Variants in LPP observed in about 807,000 individuals in gnomAD.
LPP encodes lipoma-preferred partner.
In LPP, 38 loss-of-function variants were observed where a neutral mutation model predicts 60.4. The observed-to-expected ratio is 0.63, with a 90% confidence interval of 0.49 to 0.83. The LOEUF (loss-of-function observed/expected upper bound fraction) is 0.83, where lower values mean the gene tolerates loss of function less well. Among genes scored for constraint, LPP ranks in the 40% least tolerant of loss-of-function variants. The pLI, the probability that LPP is intolerant of heterozygous loss-of-function variation, is 0.00. For missense variants in LPP, 902 were observed against 783.6 expected, an observed-to-expected ratio of 1.15 and a Z score of -1.80; for synonymous variants, 328 against 290.8, an observed-to-expected ratio of 1.13 and a Z score of -1.30.
Position 188,889,629 on chromosome 3 carries a change from A to C in LPP, c.*15150A>C. On this transcript the variant is annotated 3_prime_UTR_variant, in exon 12 of 12. Transcript: ENST00000617246. ...TACCAAATGGAAGTAAAAGGGGACA[A>C]ACTATGGAAGATGGACTCCATGCCA... is the stretch of plus-strand genomic sequence containing the variant. 4.4e-6 allele frequency: 1 copy of C among 226,338 alleles called. No individual in the cohort carries two copies. The allele number at this position is 226,338 out of a possible 1,614,324, so 14.0% of individuals were successfully genotyped here.
chr3:188,331,844 CT>C (rs1013082878), intron 2 of LPP, among the ~76,000 whole-genome samples: 2 of 152,148 alleles, frequency 1.3e-5, no homozygotes, highest in African/African-American at 2.4e-5. Context: ...GATTAGGTTA[CT>C]TAATCTTTCT....
chr3:188,217,834 G>A lies in LPP; in HGVS notation c.-189-7571G>A, dbSNP rs1428945055. Among the ~76,000 whole-genome samples the A allele has an allele frequency of 3.3e-5, 5 of 152,204 alleles. No individual in the cohort carries two copies. The East Asian group carries it at 9.6e-4, about 29-fold the overall frequency. ...GTTTCTAACCTTGAGCTTTGGGCCA[G>A]TGCACAGAGGATGGTGGCTTCCTGC... On this transcript the variant is annotated intron_variant, in intron 1 of 11. Transcript: ENST00000617246. The surrounding 1 kb of genome is among the most constrained non-coding windows in gnomAD (Gnocchi z 4.0).
At chr3:188,334,305 G>T (rs751909093) in intron 2 of LPP, among the ~76,000 whole-genome samples, 5 of 147,558 alleles carry the variant, frequency 3.4e-5, no homozygotes, top group Non-Finnish European at 7.4e-5. Flanking sequence ...TATCTTGGCT[G>T]TTATAATTAG....
At position 188,182,284 on chromosome 3, in the gene LPP, T is replaced by C. The variant is rs1725238550; in HGVS notation, c.-190+28032T>C. Among the ~76,000 whole-genome samples, 2 of 151,214 alleles carry C rather than the reference T, an allele frequency of 1.3e-5. No homozygotes were observed. The highest frequency in any genetic ancestry group is 1.9e-4 in the East Asian group (1 of 5,136). On this transcript the variant is annotated intron_variant, in intron 1 of 11. Coordinates refer to ENST00000617246, the MANE Select transcript of LPP (RefSeq NM_001375462.1). The surrounding 1 kb of genome is among the most constrained non-coding windows in gnomAD (Gnocchi z 4.4). ...CTTAGCACTTGTTACCAGTGGAGAC[T>C]CTCGGTCTCACCCCAGAATCTATGT...
intron 3 of LPP, among the ~76,000 whole-genome samples, chr3:188,353,368 T>C (rs1042667180): frequency 1.2e-4 from 19 of 152,188 alleles, no homozygotes; most frequent in African/African-American, 4.3e-4. Flanking sequence ...CTGGTGAAAA[T>C]TGGCAAATGA....
intron 5 of LPP, among the ~76,000 whole-genome samples, chr3:188,512,582 A>AAT (rs997364420): frequency 2.0e-5 from 3 of 151,338 alleles, no homozygotes; most frequent in African/African-American, 7.3e-5. Context: ...TAAATAAATA[A>AAT]ATAAATAAAT....
intron 2 of LPP, among the ~76,000 whole-genome samples, chr3:188,238,320 A>G (rs776334278): frequency 1.5e-4 from 23 of 151,322 alleles, no homozygotes; most frequent in Non-Finnish European, 2.2e-4. Context: ...AGGTTGTTTC[A>G]CTTTCTTATC....
intron 7 of LPP, among the ~76,000 whole-genome samples, chr3:188,664,188 T>C (rs953175825): frequency 2.0e-5 from 3 of 152,262 alleles, no homozygotes; most frequent in African/African-American, 7.2e-5. Flanking sequence ...GTCCTCTTTC[T>C]GAAATCCTAT....
chr3:188,560,918 A>G (rs920752271), intron 6 of LPP, among the ~76,000 whole-genome samples: 5 of 152,084 alleles, frequency 3.3e-5, no homozygotes, highest in Admixed American at 1.3e-4. Flanking sequence ...CATTTTAGAG[A>G]TGAGGAAACA....
chr3:188,839,530 C>T (rs550855582), intron 9 of LPP, among the ~76,000 whole-genome samples: 106 of 152,190 alleles, frequency 7.0e-4, no homozygotes, highest in African/African-American at 2.2e-3. Context: ...GGTGATAAGG[C>T]GCAGGGACGG....
At chr3:188,253,151 G>A (rs61401223) in intron 2 of LPP, among the ~76,000 whole-genome samples, 4,187 of 150,530 alleles carry the variant, frequency 0.028, 201 homozygotes, top group African/African-American at 0.097. Context: ...AGATATATTG[G>A]CCTTTCATCT....
intron 9 of LPP, among the ~76,000 whole-genome samples, chr3:188,775,183 G>T (rs1230922161): frequency 1.3e-5 from 2 of 151,724 alleles, no homozygotes; most frequent in African/African-American, 2.4e-5. Context: ...CTTCTCAGTA[G>T]CTGGGACTGC....
chr3:188,216,082 C>G lies in LPP; in HGVS notation c.-189-9323C>G, dbSNP rs543402516. 8.2e-4 allele frequency among the ~76,000 whole-genome samples: 125 copies of G among 152,118 alleles called. 1 individual carries two copies. Among genetic ancestry groups the G allele is most frequent in the Non-Finnish European group, 5.3e-4 (36 of 67,994 alleles). ...TTGCTTTATTTTCTCCTCTCCTTAC[C>G]CACTTTCTCACTTAAATCATGAACT... is the stretch of plus-strand genomic sequence containing the variant. On this transcript the variant is annotated intron_variant, in intron 1 of 11. Transcript: ENST00000617246.
At chr3:188,237,204 T>C (rs1383834182) in intron 2 of LPP, among the ~76,000 whole-genome samples, 3 of 152,208 alleles carry the variant, frequency 2.0e-5, no homozygotes, top group African/African-American at 7.2e-5. Flanking sequence ...AACAAAGGAT[T>C]ACAGCAACAC....
Position 188,202,737 on chromosome 3 carries a change from T to C in LPP, c.-189-22668T>C, listed in dbSNP as rs192596265. Among the ~76,000 whole-genome samples, 421 of 152,278 alleles carry C rather than the reference T, an allele frequency of 2.8e-3. 2 individuals are homozygous for C. The highest frequency in any genetic ancestry group is 9.5e-3 in the African/African-American group (394 of 41,552). On this transcript the variant is annotated intron_variant, in intron 1 of 11. Transcript: ENST00000617246. ...TTCTTTTTGGATGGGCTTTCGAGGTTGGGAGAGGAAGCTCAGGGATGGAAC... is the reference window on the plus strand; with the variant it reads ...TTCTTTTTGGATGGGCTTTCGAGGTCGGGAGAGGAAGCTCAGGGATGGAAC...
chr3:188,322,675 T>A (rs1757284428), intron 2 of LPP, among the ~76,000 whole-genome samples: 1 of 152,200 alleles, frequency 6.6e-6, no homozygotes, highest in Non-Finnish European at 1.5e-5. Context: ...GCCGGACAGC[T>A]GTAGTGATGG....
rs1426251421 is a variant in LPP at position 188,872,630 on chromosome 3, T to C, written c.1590-13T>C. 1.2e-6 allele frequency: 2 copies of C among 1,614,062 alleles called. No individual in the cohort carries two copies. Among genetic ancestry groups the C allele is most frequent in the African/African-American group, 1.3e-5 (1 of 75,020 alleles). On this transcript the variant is annotated splice_polypyrimidine_tract_variant and intron_variant, in intron 10 of 11. Transcript: ENST00000617246. The stretch of plus-strand genomic sequence containing the variant: ...CGCGCAGTATCTAACCAGAACTCTC[T>C]CTTCACTTTCAGGAAATTTGCCCCG...
intron 3 of LPP, among the ~76,000 whole-genome samples, chr3:188,403,675 A>G (rs1285043299): frequency 6.6e-6 from 1 of 152,156 alleles, no homozygotes; most frequent in Non-Finnish European, 1.5e-5. Flanking sequence ...TGGTTTTGGT[A>G]TTTAGAAAAA....
At chr3:188,222,519 T>A (rs1314563401) in intron 1 of LPP, among the ~76,000 whole-genome samples, 1 of 152,146 alleles carries the variant, frequency 6.6e-6, no homozygotes, top group Admixed American at 6.5e-5. Context: ...TTTGAGAAAA[T>A]CCTTTACACA....
Sources: allele counts gnomAD v4.1 joint callset (sites outside exome capture counted in the v4.1 genomes callset), GRCh38; gene constraint gnomAD v4.1.1; non-coding constraint Gnocchi (gnomAD v3.1); transcripts MANE v1.5; gene names NCBI Gene and HGNC (gene_info 2026-07-23, HGNC 2026-07-21).